The following CRTC3 variants were observed in gnomAD, a reference collection of about 807,000 sequenced individuals.
The protein encoded by CRTC3 is CREB-regulated transcription coactivator 3.
Under a neutral mutation model 74.5 loss-of-function variants are expected in CRTC3, and 26 were observed. The observed-to-expected ratio is 0.35, with a 90% CI of 0.26 to 0.48. The LOEUF is 0.48. Ranked by LOEUF, CRTC3 falls within the 20% of genes least tolerant of loss-of-function variation. CRTC3 has a pLI of 0.99. For synonymous variants in CRTC3, 377 were observed against 325.8 expected (o/e 1.16, Z -1.69); for missense variants, 760 against 787.3 (o/e 0.97, Z 0.41).
At position 90,631,256 on chromosome 15, in the gene CRTC3, A is replaced by G. The variant is rs547594932; in HGVS notation, c.1266+1724A>G. 1.2e-4 allele frequency among the ~76,000 whole-genome samples: 19 copies of G among 152,136 alleles called. No homozygotes were observed. The South Asian group carries it at 3.7e-3, about 30-fold the overall frequency. On this transcript the variant is annotated intron_variant, in intron 11 of 14. Coordinates refer to ENST00000268184, the MANE Select transcript of CRTC3 (RefSeq NM_022769.5). ...TTGGGCGAGGGTGAGAGGACATTTC[A>G]TAATTTTTAAGTCTCACTCTGTCGC...
intron 2 of CRTC3, among the ~76,000 whole-genome samples, chr15:90,591,357 C>T (rs1381111158): frequency 1.3e-5 from 2 of 152,008 alleles, no homozygotes; most frequent in African/African-American, 2.4e-5. Flanking sequence ...TGGCCTCAAG[C>T]AATTCTCCCA....
intron 1 of CRTC3, among the ~76,000 whole-genome samples, chr15:90,535,699 C>G (rs1219337771): frequency 6.6e-6 from 1 of 152,058 alleles, no homozygotes; most frequent in Non-Finnish European, 1.5e-5. Context: ...GATTAGCGAG[C>G]TCTCAGGATG....
In CRTC3 at chr15:90,644,856, C is replaced by T. The variant is rs535318477; in HGVS notation, c.*2716C>T. 64 of 232,166 alleles carry T rather than the reference C, an allele frequency of 2.8e-4. No homozygotes were observed. Among genetic ancestry groups the T allele is most frequent in the African/African-American group, 1.3e-3 (58 of 45,412 alleles). 14.4% of individuals were successfully genotyped at this position (232,166 alleles called of 1,614,324 possible). ...ATTATTTAGTTTTGTCACAAGAAATCGACCATTGTACTACTCTCACTTACA... is the reference window on the plus strand; with the variant it reads ...ATTATTTAGTTTTGTCACAAGAAATTGACCATTGTACTACTCTCACTTACA... On this transcript the variant is annotated 3_prime_UTR_variant, in exon 15 of 15. Transcript: ENST00000268184.
chr15:90,597,662 C>G (rs970780215), intron 3 of CRTC3, among the ~76,000 whole-genome samples: 1 of 152,198 alleles, frequency 6.6e-6, no homozygotes, highest in Non-Finnish European at 1.5e-5. Flanking sequence ...AACTTCTTAT[C>G]TTTAACCCAG....
At chr15:90,551,181 T>C (rs141414660) in intron 2 of CRTC3, among the ~76,000 whole-genome samples, 1 of 152,168 alleles carries the variant, frequency 6.6e-6, no homozygotes, top group Non-Finnish European at 1.5e-5. Flanking sequence ...GGTTACTTGA[T>C]AGAGTTGTTC....
intron 13 of CRTC3, 114 bp downstream of exon 13, chr15:90,638,929 G>A: frequency 1.1e-6 from 1 of 902,848 alleles, no homozygotes; most frequent in Non-Finnish European, 1.8e-6. Context: ...TCCTGGTTCT[G>A]GTTGTGTTCT....
At chr15:90,627,458 C>T (rs969006310) in intron 10 of CRTC3, among the ~76,000 whole-genome samples, 2 of 152,118 alleles carry the variant, frequency 1.3e-5, no homozygotes, top group African/African-American at 4.8e-5. Context: ...AAAGCAGCAT[C>T]AGCACATAGC....
At chr15:90,549,674 C>G (rs1311262721) in intron 2 of CRTC3, among the ~76,000 whole-genome samples, 5 of 149,244 alleles carry the variant, frequency 3.4e-5, no homozygotes, top group African/African-American at 1.2e-4. Context: ...TATACATGCT[C>G]TTATTCACTT....
Position 90,533,084 on chromosome 15 carries a change from C to CAAAA in CRTC3, c.132+2915_132+2918dup, listed in dbSNP as rs766911510. On this transcript the variant is annotated intron_variant, in intron 1 of 14. Coordinates refer to ENST00000268184, the MANE Select transcript of CRTC3 (RefSeq NM_022769.5). ...TGGGCGACAGAGCAAGACTTCATCT[C>CAAAA]AAAAAAAAAAAAAAAAAAAAAAAAA... 8.5e-4 allele frequency among the ~76,000 whole-genome samples: 16 copies of CAAAA among 18,876 alleles called. 1 individual carries two copies. The highest frequency in any genetic ancestry group is 1.2e-3 in the Non-Finnish European group (14 of 11,726). The allele number at this position is 18,876 out of a possible 152,430, so 12.4% of individuals were successfully genotyped here. A position where few individuals can be genotyped will look rare whatever the true frequency, so the allele number is the denominator to read the frequency against.
At chr15:90,607,060 T>C (rs1193621869) in intron 5 of CRTC3, among the ~76,000 whole-genome samples, 1 of 152,078 alleles carries the variant, frequency 6.6e-6, no homozygotes, top group Non-Finnish European at 1.5e-5. Flanking sequence ...ACAGCCAGCT[T>C]CCGAGCTGGG....
chr15:90,598,949 G>A, intron 3 of CRTC3: 1 of 178,912 alleles, frequency 5.6e-6, no homozygotes, highest in Non-Finnish European at 1.2e-5. Context: ...CCCTCCACCT[G>A]CTCACACTCT....
At chr15:90,552,542 C>A (rs1966862116) in intron 2 of CRTC3, among the ~76,000 whole-genome samples, 2 of 81,190 alleles carry the variant, frequency 2.5e-5, no homozygotes, top group African/African-American at 6.2e-5. Context: ...ACTCTGCTTC[C>A]TTTCGTACTC....
rs1320571604 is a variant in CRTC3, at chr15:90,629,458, G to C, written c.1192G>C (p.Gly398Arg). 4 of 1,613,848 alleles carry C rather than the reference G, an allele frequency of 2.5e-6. No homozygotes were observed. The highest frequency in any genetic ancestry group is 3.4e-6 in the Non-Finnish European group (4 of 1,180,016). ...PPVSPLTLSP[G>R]PEAHQGFSRQ... Reference sequence around the variant, plus strand: ...CGTCAGCCCTCTCACGCTTTCTCCTGGCCCTGAAGCACATCAAGGTTTCAG... The same window carrying C: ...CGTCAGCCCTCTCACGCTTTCTCCTCGCCCTGAAGCACATCAAGGTTTCAG... Residue 398 changes from glycine (G) to arginine (R), a missense_variant, in exon 11 of 15, where the codon GGC (glycine) becomes CGC (arginine). Physicochemically the swap from Gly to Arg is moderately radical, Grantham distance 125. Around this residue, in one of 2 missense-constraint regions of CRTC3, gnomAD observed 652 missense variants for 635.2 expected, o/e 1.03. Transcript: ENST00000268184.
intron 9 of CRTC3, among the ~76,000 whole-genome samples, chr15:90,621,025 C>T (rs1284879389): frequency 1.3e-5 from 2 of 152,136 alleles, no homozygotes; most frequent in Non-Finnish European, 2.9e-5. Flanking sequence ...AGTGGGCAAG[C>T]CTGCCAGGAC....
intron 2 of CRTC3, among the ~76,000 whole-genome samples, chr15:90,589,666 T>TA (rs1419613785): frequency 6.6e-6 from 1 of 152,192 alleles, no homozygotes; most frequent in African/African-American, 2.4e-5. Flanking sequence ...GCCCAAATGA[T>TA]ATATTCTTTG....
At chr15:90,579,626 G>A (rs888993353) in intron 2 of CRTC3, among the ~76,000 whole-genome samples, 2 of 135,996 alleles carry the variant, frequency 1.5e-5, no homozygotes, top group Non-Finnish European at 3.1e-5. Context: ...TGGAGTAAAC[G>A]TATTTCACTT....
chr15:90,641,324 T>C lies in CRTC3; in HGVS notation c.1651+125T>C, dbSNP rs1596156371. 50 of 678,212 alleles carry C rather than the reference T, an allele frequency of 7.4e-5. No individual in the cohort carries two copies. The East Asian group carries it at 1.4e-3, about 19-fold the overall frequency. 42.0% of individuals were successfully genotyped at this position (678,212 alleles called of 1,614,324 possible). A position where few individuals can be genotyped will look rare whatever the true frequency, so the allele number is the denominator to read the frequency against. On this transcript the variant is annotated intron_variant, in intron 14 of 14. Coordinates refer to ENST00000268184, the MANE Select transcript of CRTC3 (RefSeq NM_022769.5). ...AAAAGTTAACGTTCCCTGGGTCGAC[T>C]TGACTTTTTGAGATGCAGGTGTCCA... is the stretch of plus-strand genomic sequence containing the variant.
intron 2 of CRTC3, among the ~76,000 whole-genome samples, chr15:90,541,015 A>G (rs911444422): frequency 1.3e-5 from 2 of 152,202 alleles, no homozygotes; most frequent in Non-Finnish European, 2.9e-5. Flanking sequence ...ACAGATAAGT[A>G]GTCTGTATTG....
chr15:90,540,124 C>T lies in CRTC3; in HGVS notation c.218C>T (p.Ala73Val), dbSNP rs1335920238. The change falls in exon 2 of 15, where the codon GCG becomes GTG. Residue 73 changes from alanine (A) to valine (V), a missense_variant. Around this residue, in one of 2 missense-constraint regions of CRTC3, gnomAD observed 108 missense variants for 152.1 expected, o/e 0.71. Coordinates refer to ENST00000268184, the MANE Select transcript of CRTC3 (RefSeq NM_022769.5). ...LPNVSQLRSS[A>V]SEFQPSFHQA... Reference sequence around the variant, plus strand: ...AATGTGAGCCAGCTGCGGAGCAGTGCGTCAGAGTTTCAGGTACCTCCAGAT... The same window carrying T: ...AATGTGAGCCAGCTGCGGAGCAGTGTGTCAGAGTTTCAGGTACCTCCAGAT... The T allele has an allele frequency of 1.9e-6, 3 of 1,608,000 alleles. No individual in the cohort carries two copies. Among genetic ancestry groups the T allele is most frequent in the Admixed American group, 1.7e-5 (1 of 59,174 alleles).
Sources: allele counts gnomAD v4.1 joint callset (sites outside exome capture counted in the v4.1 genomes callset), GRCh38; gene constraint gnomAD v4.1.1; regional missense constraint gnomAD v4.1.1; transcripts MANE v1.5; gene names NCBI Gene and HGNC (gene_info 2026-07-23, HGNC 2026-07-21).